MYO1B: variants seen among roughly 807,000 people sequenced by gnomAD.
MYO1B encodes the protein unconventional myosin-Ib.
In MYO1B, 72 loss-of-function variants were observed where a neutral mutation model predicts 159.7. That is an observed-to-expected ratio of 0.45 (90% CI 0.37 to 0.55). The LOEUF (loss-of-function observed/expected upper bound fraction) is 0.55, where lower values mean the gene tolerates loss of function less well. MYO1B is among the 20% of genes least tolerant of loss of function. The pLI, the probability that MYO1B is intolerant of heterozygous loss-of-function variation, is 0.00. For missense variants in MYO1B, 1,062 were observed against 1,364.8 expected (o/e 0.78, Z 3.50); for synonymous variants, 468 against 473.8 (o/e 0.99, Z 0.16).
chr2:191,270,890 G>A (rs981173222), intron 1 of MYO1B, among the ~76,000 whole-genome samples: 1 of 152,224 alleles, frequency 6.6e-6, no homozygotes, highest in Admixed American at 6.5e-5. Context: ...GATCAAAGTG[G>A]CTTGAAGCCA....
intron 13 of MYO1B, among the ~76,000 whole-genome samples, chr2:191,372,993 T>C (rs1485741348): frequency 1.3e-5 from 2 of 150,248 alleles, no homozygotes; most frequent in Non-Finnish European, 3.0e-5. Context: ...TTCAAGTGAT[T>C]TTCCTGCAGC....
intron 26 of MYO1B, among the ~76,000 whole-genome samples, 170 bp downstream of exon 26, chr2:191,409,348 C>T (rs1697124373): frequency 6.6e-6 from 1 of 152,250 alleles, no homozygotes; most frequent in Non-Finnish European, 1.5e-5. Context: ...ACGAGAGCCC[C>T]TGCAGCGGCC....
intron 11 of MYO1B, among the ~76,000 whole-genome samples, chr2:191,369,140 G>A (rs772194046): frequency 2.6e-4 from 39 of 152,052 alleles, no homozygotes; most frequent in Non-Finnish European, 4.6e-4. Flanking sequence ...TTCACATTAC[G>A]CGAGCATTTC....
At chr2:191,411,210 A>G (rs1486201825) in intron 27 of MYO1B, 38 bp downstream of exon 27, 7 of 1,375,274 alleles carry the variant, frequency 5.1e-6, no homozygotes, top group Non-Finnish European at 7.0e-6. Flanking sequence ...ATTCAGGATT[A>G]TAAAAGTTTC....
chr2:191,399,417 TTGTC>T (rs780129892), intron 21 of MYO1B, among the ~76,000 whole-genome samples: 73 of 152,332 alleles, frequency 4.8e-4, no homozygotes, highest in Middle Eastern at 6.8e-3. Context: ...ATTTCACAGA[TTGTC>T]TGGCTGCTGT....
chr2:191,362,653 T>TA (rs150037886), intron 9 of MYO1B, among the ~76,000 whole-genome samples: 5,388 of 152,288 alleles, frequency 0.035, 310 homozygotes, highest in African/African-American at 0.12. Flanking sequence ...AGGTTATTTT[T>TA]AAATTCCAAG....
intron 7 of MYO1B, among the ~76,000 whole-genome samples, chr2:191,356,229 T>C (rs1388240874): frequency 2.0e-5 from 3 of 151,992 alleles, no homozygotes; most frequent in African/African-American, 7.2e-5. Context: ...CAGTAGTGAG[T>C]GGATATTCGT....
chr2:191,328,687 C>T (rs990582975), intron 3 of MYO1B, among the ~76,000 whole-genome samples: 3 of 152,182 alleles, frequency 2.0e-5, no homozygotes, highest in South Asian at 2.1e-4. Flanking sequence ...TATCTCTCTC[C>T]GCAGCTCATC....
intron 2 of MYO1B, among the ~76,000 whole-genome samples, chr2:191,279,681 G>A (rs1392233516): frequency 2.0e-5 from 3 of 151,990 alleles, no homozygotes; most frequent in Non-Finnish European, 4.4e-5. Flanking sequence ...TGATGCCCAA[G>A]GCTAAGTTAA....
intron 3 of MYO1B, among the ~76,000 whole-genome samples, chr2:191,308,069 C>G (rs1689761187): frequency 6.6e-6 from 1 of 152,150 alleles, no homozygotes; most frequent in African/African-American, 2.4e-5. Flanking sequence ...AGATTCCCCC[C>G]CACTCTAATC....
intron 6 of MYO1B, 104 bp downstream of exon 6, chr2:191,346,386 T>C (rs1218476264): frequency 3.8e-4 from 265 of 698,714 alleles, no homozygotes; most frequent in Non-Finnish European, 2.4e-5. Flanking sequence ...ATTTTTAAAA[T>C]AAGAGGAACA....
chr2:191,364,514 T>C (rs914434406), intron 11 of MYO1B, among the ~76,000 whole-genome samples: 2 of 105,384 alleles, frequency 1.9e-5, no homozygotes, highest in Non-Finnish European at 3.8e-5. Flanking sequence ...TGTAGCAAAC[T>C]AGCCCGTGGT....
intron 15 of MYO1B, 129 bp downstream of exon 15, chr2:191,383,471 TATACACACAC>T (rs774720462): frequency 0.13 from 3,016 of 22,844 alleles, 177 homozygotes; most frequent in Admixed American, 0.23. Flanking sequence ...TATATATATA[TATACACACAC>T]ACATATATAT....
At chr2:191,266,453 A>G (rs1262760925) in intron 1 of MYO1B, among the ~76,000 whole-genome samples, 1 of 152,180 alleles carries the variant, frequency 6.6e-6, no homozygotes, top group Non-Finnish European at 1.5e-5. Context: ...GTGGATCGAA[A>G]GGATCCTTGG....
intron 3 of MYO1B, among the ~76,000 whole-genome samples, chr2:191,302,209 C>T (rs775843788): frequency 1.3e-5 from 2 of 152,180 alleles, no homozygotes; most frequent in Admixed American, 6.5e-5. Flanking sequence ...CACTCGTGGT[C>T]GTCAACACAC....
intron 21 of MYO1B, among the ~76,000 whole-genome samples, chr2:191,396,948 A>C (rs916309589): frequency 6.6e-6 from 1 of 152,020 alleles, no homozygotes; most frequent in African/African-American, 2.4e-5. Flanking sequence ...GACATGGAGG[A>C]GCCGTCACAG....
At chr2:191,254,196 A>T (rs1686293980) in intron 1 of MYO1B, among the ~76,000 whole-genome samples, 1 of 152,100 alleles carries the variant, frequency 6.6e-6, no homozygotes. Flanking sequence ...AAATGTCATA[A>T]TTCACTTTAT....
At chr2:191,409,845 T>A (rs1697155282) in intron 26 of MYO1B, among the ~76,000 whole-genome samples, 1 of 152,220 alleles carries the variant, frequency 6.6e-6, no homozygotes, top group African/African-American at 2.4e-5. Context: ...ACCTAGTCAG[T>A]TGATATGTGG....
At chr2:191,349,470 C>T (rs1463416611) in intron 6 of MYO1B, among the ~76,000 whole-genome samples, 2 of 152,198 alleles carry the variant, frequency 1.3e-5, no homozygotes, top group African/African-American at 4.8e-5. Flanking sequence ...ACAGCTGTCA[C>T]AGTTACTCTG....
Sources: allele counts gnomAD v4.1 joint callset (sites outside exome capture counted in the v4.1 genomes callset), GRCh38; gene constraint gnomAD v4.1.1; transcripts MANE v1.5; gene names NCBI Gene and HGNC (gene_info 2026-07-23, HGNC 2026-07-21).